The following PIK3R1 variants were observed in gnomAD, a reference collection of about 807,000 sequenced individuals.
PIK3R1 encodes phosphatidylinositol 3-kinase regulatory subunit alpha.
Under a neutral mutation model 98.0 loss-of-function variants are expected in PIK3R1, and 29 were observed. The observed-to-expected ratio is 0.30, with a 90% CI of 0.22 to 0.40. The LOEUF (loss-of-function observed/expected upper bound fraction) is 0.40. Ranked by LOEUF, PIK3R1 falls within the 10% of genes least tolerant of loss-of-function variation. The probability of loss-of-function intolerance (pLI) is 1.00; values close to 1 mark genes in which losing one functional copy is unlikely to be tolerated. For synonymous variants in PIK3R1, 282 were observed against 311.8 expected (o/e 0.90, Z 1.01); for missense variants, 596 against 872.7 (o/e 0.68, Z 3.99).
chr5:68,224,401 G>A (rs1455063972), intron 1 of PIK3R1, among the ~76,000 whole-genome samples: 1 of 152,184 alleles, frequency 6.6e-6, no homozygotes, highest in Non-Finnish European at 1.5e-5. Flanking sequence ...GAAATGCGAA[G>A]TAGAGTACTA....
rs1028479332 is a variant in PIK3R1, at chr5:68,296,318, G to C, written c.1962G>C (p.Gln654His). ...TTCTTGTCCGGGAGAGCAGTAAACA[G>C]GGCTGCTATGCCTGCTCTGTAGTGT... is the stretch of plus-strand genomic sequence containing the variant. ...GTFLVRESSKQGCYACSVVVD... is the reference protein window; with the variant it reads ...GTFLVRESSKHGCYACSVVVD... The change falls in exon 15 of 16, where the codon CAG becomes CAC. Residue 654 changes from glutamine (Q) to histidine (H), a missense_variant. Physicochemically the swap from Gln to His is conservative, Grantham distance 24. Transcript: ENST00000521381. 2 of 1,613,988 alleles carry C rather than the reference G, an allele frequency of 1.2e-6. No homozygotes were observed. The highest frequency in any genetic ancestry group is 1.7e-6 in the Non-Finnish European group (2 of 1,179,994).
intron 2 of PIK3R1, among the ~76,000 whole-genome samples, chr5:68,231,179 A>T (rs1744457561): frequency 6.6e-6 from 1 of 152,228 alleles, no homozygotes; most frequent in African/African-American, 2.4e-5. Flanking sequence ...ATACTTTGAG[A>T]TCCTTTAATT....
At chr5:68,250,542 A>T (rs1315207538) in intron 2 of PIK3R1, among the ~76,000 whole-genome samples, 1 of 152,158 alleles carries the variant, frequency 6.6e-6, no homozygotes, top group Non-Finnish European at 1.5e-5. Flanking sequence ...ATTACCCTTT[A>T]TGTCACCAAA....
At chr5:68,252,192 T>C (rs1187066818) in intron 2 of PIK3R1, among the ~76,000 whole-genome samples, 1 of 152,174 alleles carries the variant, frequency 6.6e-6, no homozygotes, top group African/African-American at 2.4e-5. Flanking sequence ...CATGCTGTCC[T>C]GAACCCGAGG....
intron 2 of PIK3R1, among the ~76,000 whole-genome samples, chr5:68,257,782 C>T (rs1256191184): frequency 3.9e-5 from 6 of 152,192 alleles, no homozygotes; most frequent in Non-Finnish European, 5.9e-5. Context: ...CAGGAACTAA[C>T]ATTTCCAAAG....
chr5:68,292,767 T>C, intron 8 of PIK3R1: 2 of 1,267,252 alleles, frequency 1.6e-6, no homozygotes, highest in Non-Finnish European at 2.0e-6. Context: ...GTTTCTGTGC[T>C]CATTTGTCAG....
chr5:68,256,724 G>C (rs576438316), intron 2 of PIK3R1, among the ~76,000 whole-genome samples: 1 of 151,832 alleles, frequency 6.6e-6, no homozygotes, highest in Non-Finnish European at 1.5e-5. Flanking sequence ...ATTAGCAAGA[G>C]TGTGAGATAA....
At chr5:68,244,717 G>A (rs1745016385) in intron 2 of PIK3R1, among the ~76,000 whole-genome samples, 1 of 151,930 alleles carries the variant, frequency 6.6e-6, no homozygotes, top group Non-Finnish European at 1.5e-5. Context: ...CTTCGTTTTG[G>A]AATGATAGTT....
chr5:68,262,266 C>T (rs1580216145), intron 2 of PIK3R1, among the ~76,000 whole-genome samples: 1 of 151,458 alleles, frequency 6.6e-6, no homozygotes, highest in Admixed American at 6.6e-5. Flanking sequence ...TAACTTTCTC[C>T]CTGCTGACTC....
At chr5:68,261,458 G>A (rs1745744046) in intron 2 of PIK3R1, among the ~76,000 whole-genome samples, 2 of 151,608 alleles carry the variant, frequency 1.3e-5, no homozygotes, top group South Asian at 4.2e-4. Context: ...CTTTTTATTT[G>A]ATAATAGTGA....
At chr5:68,224,048 ATT>A (rs549936307) in intron 1 of PIK3R1, among the ~76,000 whole-genome samples, 2 of 151,758 alleles carry the variant, frequency 1.3e-5, no homozygotes, top group African/African-American at 4.8e-5. Flanking sequence ...CTGGTTGAGG[ATT>A]TTTTTTTCCC....
At position 68,293,307 on chromosome 5, in the gene PIK3R1, G is replaced by A. The variant is rs2112256718; in HGVS notation, c.1123G>A (p.Gly375Arg). Residue 375 changes from glycine (G) to arginine (R), a missense_variant, in exon 10 of 16, where the codon GGG becomes AGG. Physicochemically the swap from Gly to Arg is moderately radical, Grantham distance 125. This residue lies in a region of PIK3R1 where 37 missense variants were observed against 118.0 expected (regional missense o/e 0.31). Coordinates refer to ENST00000521381, the MANE Select transcript of PIK3R1 (RefSeq NM_181523.3). ...ATTTTTATATTGTTTTTACAGGAAA[G>A]GGGGAAATAACAAATTAATCAAAAT... ...HGDYTLTLRK[G>R]GNNKLIKIFH... 6.2e-7 allele frequency: 1 copy of A among 1,609,602 alleles called. No individual in the cohort carries two copies. The highest frequency in any genetic ancestry group is 8.5e-7 in the Non-Finnish European group (1 of 1,176,668).
chr5:68,294,444 T>C, intron 11 of PIK3R1, 92 bp from the exon 12 acceptor site: 2 of 884,086 alleles, frequency 2.3e-6, no homozygotes, highest in Non-Finnish European at 3.3e-6. Context: ...CCCACTCTGC[T>C]AATAATACAG....
At chr5:68,262,624 TGCATGTATACACATGTATAC>T (rs1456934873) in intron 2 of PIK3R1, among the ~76,000 whole-genome samples, 2 of 141,944 alleles carry the variant, frequency 1.4e-5, no homozygotes, top group Admixed American at 6.9e-5. Context: ...CACATGTAGA[TGCATGTATACACATGTATAC>T]ACATGTATCT....
chr5:68,256,342 G>A (rs1745513751), intron 2 of PIK3R1, among the ~76,000 whole-genome samples: 1 of 152,166 alleles, frequency 6.6e-6, no homozygotes, highest in East Asian at 1.9e-4. Context: ...CCATTCTCCT[G>A]CCTCAGCCTT....
Position 68,294,614 on chromosome 5 carries a change from G to C in PIK3R1, c.1504G>C (p.Glu502Gln). The C allele has an allele frequency of 6.2e-7, 1 of 1,612,696 alleles. No individual in the cohort carries two copies. Among genetic ancestry groups the C allele is most frequent in the Non-Finnish European group, 8.5e-7 (1 of 1,179,176 alleles). ...ATTTGAAGAACAGTGCCAGACCCAA[G>C]AGCGGTACAGCAAAGAATACATAGA... ...KIFEEQCQTQ[E>Q]RYSKEYIEKF... Residue 502 changes from glutamate (E) to glutamine (Q), a missense_variant, in exon 12 of 16, where the codon GAG (glutamate) becomes CAG (glutamine). Transcript: ENST00000521381.
intron 8 of PIK3R1, 70 bp from the exon 9 acceptor site, chr5:68,293,031 C>CTAT (rs765550421): frequency 1.6e-5 from 21 of 1,291,526 alleles, no homozygotes; most frequent in Non-Finnish European, 1.9e-5. Context: ...AAAAAATAGC[C>CTAT]TATTTTAAAA....
intron 2 of PIK3R1, among the ~76,000 whole-genome samples, chr5:68,271,428 A>C (rs1341357788): frequency 6.6e-6 from 1 of 152,214 alleles, no homozygotes; most frequent in Non-Finnish European, 1.5e-5. Flanking sequence ...CCTTGTCTTC[A>C]GGGATAGCTT....
In PIK3R1 at chr5:68,293,357, C is replaced by T; in HGVS notation, c.1173C>T (p.Gly391=). 6.2e-7 allele frequency: 1 copy of T among 1,613,048 alleles called. No homozygotes were observed. Among genetic ancestry groups the T allele is most frequent in the South Asian group, 1.1e-5 (1 of 91,044 alleles). Residue 391 remains glycine (G), a synonymous_variant, in exon 10 of 16, where the codon GGC becomes GGT. Coordinates refer to ENST00000521381, the MANE Select transcript of PIK3R1 (RefSeq NM_181523.3). ...IKIFHRDGKY[G]FSDPLTFSSV... ...TATTTCATCGAGATGGGAAATATGG[C>T]TTCTCTGACCCATTAACCTTCAGTT... is the stretch of plus-strand genomic sequence containing the variant.
Sources: gnomAD v4.1 joint callset for allele counts (sites outside exome capture counted in the v4.1 genomes callset) on GRCh38, gnomAD v4.1.1 for gene constraint, gnomAD v4.1.1 regional missense constraint, MANE v1.5 for transcripts, NCBI Gene and HGNC (gene_info 2026-07-23, HGNC 2026-07-21) for gene names.